The following ITPR2 variants were observed in gnomAD, a reference collection of about 807,000 sequenced individuals.
ITPR2 encodes inositol 1,4,5-trisphosphate receptor type 2, also known as inositol 1,4,5-trisphosphate-gated calcium channel ITPR2.
In ITPR2, 207 loss-of-function variants were observed where a neutral mutation model predicts 317.1. The observed-to-expected ratio is 0.65, with a 90% CI of 0.58 to 0.73. ITPR2 has a LOEUF of 0.73. Among genes scored for constraint, ITPR2 ranks in the 30% least tolerant of loss-of-function variants. ITPR2 has a pLI of 0.00. For synonymous variants in ITPR2, 1,156 were observed against 1,149.1 expected (o/e 1.01, Z -0.12); for missense variants, 2,613 against 3,284.0 (o/e 0.80, Z 4.99).
intron 55 of ITPR2, among the ~76,000 whole-genome samples, chr12:26,379,282 TTAGCA>T (rs1939435102): frequency 6.6e-6 from 1 of 152,184 alleles, no homozygotes; most frequent in Non-Finnish European, 1.5e-5. Flanking sequence ...TGTAAAGCAC[TTAGCA>T]TAGCACAGGC....
At chr12:26,634,615 G>A (rs908374659) in intron 21 of ITPR2, among the ~76,000 whole-genome samples, 10 of 152,144 alleles carry the variant, frequency 6.6e-5, no homozygotes, top group African/African-American at 2.4e-4. Context: ...GCCAGGCACG[G>A]TGGCTCATGC....
chr12:26,692,060 G>A (rs1948251255), intron 10 of ITPR2, among the ~76,000 whole-genome samples: 1 of 152,024 alleles, frequency 6.6e-6, no homozygotes, highest in South Asian at 2.1e-4. Context: ...AAGGAAATTC[G>A]GGGGTCAGAA....
intron 49 of ITPR2, among the ~76,000 whole-genome samples, chr12:26,425,671 G>GAAA (rs201178294): frequency 8.6e-6 from 1 of 116,290 alleles, no homozygotes; most frequent in African/African-American, 3.2e-5. Context: ...GTCTAAAAAA[G>GAAA]AAAAAAAAAA....
intron 55 of ITPR2, among the ~76,000 whole-genome samples, chr12:26,377,267 C>T (rs1939374964): frequency 6.6e-6 from 1 of 152,202 alleles, no homozygotes; most frequent in Non-Finnish European, 1.5e-5. Context: ...CGTGTGTTAT[C>T]ATCACTCCTT....
chr12:26,715,758 T>C lies in ITPR2; in HGVS notation c.702A>G (p.Leu234=). 6.3e-7 allele frequency: 1 copy of C among 1,590,984 alleles called. No individual in the cohort carries two copies. The highest frequency in any genetic ancestry group is 8.6e-7 in the Non-Finnish European group (1 of 1,160,044). ...CTGTGTAGCACATACTTACTCCTTT[T>C]AATACATCCTCTCGATAGGAACTAT... ...MKYSSYREDV[L]KGGDVVRLFH... Residue 234 remains leucine, a synonymous_variant, in exon 7 of 57, where the codon TTA becomes TTG. Coordinates refer to ENST00000381340, the MANE Select transcript of ITPR2 (RefSeq NM_002223.4).
At chr12:26,771,577 C>T (rs1333111094) in intron 2 of ITPR2, among the ~76,000 whole-genome samples, 5 of 152,150 alleles carry the variant, frequency 3.3e-5, no homozygotes, top group Non-Finnish European at 7.4e-5. Flanking sequence ...TGCAGCGGTG[C>T]GATCTCGGCT....
intron 37 of ITPR2, among the ~76,000 whole-genome samples, chr12:26,549,392 G>T (rs552405250): frequency 6.6e-6 from 1 of 152,048 alleles, no homozygotes; most frequent in East Asian, 1.9e-4. Flanking sequence ...TCTAAGATGG[G>T]AATGCACTTT....
intron 11 of ITPR2, among the ~76,000 whole-genome samples, chr12:26,685,744 T>TA (rs1414215773): frequency 3.2e-4 from 48 of 152,352 alleles, no homozygotes; most frequent in African/African-American, 1.1e-3. Context: ...GCCTTCTCAC[T>TA]GGTCCTTAAA....
chr12:26,707,862 C>A (rs771744740), intron 9 of ITPR2, among the ~76,000 whole-genome samples: 7 of 150,840 alleles, frequency 4.6e-5, no homozygotes, highest in Non-Finnish European at 1.0e-4. Flanking sequence ...AGATTAATAA[C>A]CAGAATATAT....
chr12:26,681,772 A>G, intron 13 of ITPR2, 102 bp downstream of exon 13: 1 of 798,198 alleles, frequency 1.3e-6, no homozygotes, highest in Admixed American at 2.2e-5. Flanking sequence ...TGTGCTATCG[A>G]GAATGTTCTG....
chr12:26,715,832 TCA>T lies in ITPR2; in HGVS notation c.626_627del (p.Val209GlufsTer18), dbSNP rs1264104788. Reference sequence around the variant, plus strand: ...CAGCTGGTGTTGCAATTGACAGCATTCACCTATTAATGAAGAAACGTTCAAAG... The same window carrying T: ...CAGCTGGTGTTGCAATTGACAGCATTCCTATTAATGAAGAAACGTTCAAAG... The part of the protein sequence containing the change: ...ELLDNPGCKE[V>X]NAVNCNTSWK... On this transcript the variant is annotated frameshift_variant and splice_region_variant, in exon 7 of 57. Transcript: ENST00000381340. LOFTEE classifies it high-confidence loss of function. The T allele has an allele frequency of 1.2e-6, 2 of 1,600,410 alleles. No individual in the cohort carries two copies. Among genetic ancestry groups the T allele is most frequent in the Admixed American group, 3.3e-5 (2 of 59,902 alleles).
chr12:26,795,820 C>A (rs984617924), intron 1 of ITPR2, among the ~76,000 whole-genome samples: 16 of 152,036 alleles, frequency 1.1e-4, no homozygotes, highest in African/African-American at 3.6e-4. Context: ...CCTATCGCTA[C>A]AAAAAAATAC....
rs1315701524 is a variant in ITPR2, at chr12:26,622,398, T to C, written c.3130A>G (p.Lys1044Glu). 6.2e-6 allele frequency: 10 copies of C among 1,600,962 alleles called. No individual in the cohort carries two copies. Among genetic ancestry groups the C allele is most frequent in the African/African-American group, 1.4e-5 (1 of 74,036 alleles). ...TCATCGTCAAGTTGAACTGGATTTT[T>C]TTCTTTTCTATAAAACCAAAAACAT... Reference protein sequence around the residue: ...AETMFAGRKEKNPVQLDDEGG... With the variant: ...AETMFAGRKEENPVQLDDEGG... Residue 1044 changes from lysine to glutamate, a missense_variant, in exon 25 of 57, where the codon AAA becomes GAA. Coordinates refer to ENST00000381340, the MANE Select transcript of ITPR2 (RefSeq NM_002223.4).
chr12:26,678,397 A>C (rs776155588), intron 13 of ITPR2, among the ~76,000 whole-genome samples: 6 of 147,344 alleles, frequency 4.1e-5, no homozygotes, highest in Non-Finnish European at 8.9e-5. Flanking sequence ...TCCTGGGATA[A>C]GTAAAAAGGG....
intron 22 of ITPR2, among the ~76,000 whole-genome samples, chr12:26,629,205 C>T (rs1946690660): frequency 6.6e-6 from 1 of 152,194 alleles, no homozygotes; most frequent in Admixed American, 6.5e-5. Flanking sequence ...CACTGGAGTG[C>T]CTGCACTTCC....
chr12:26,604,428 T>C (rs1163095583), intron 26 of ITPR2, among the ~76,000 whole-genome samples: 3 of 152,180 alleles, frequency 2.0e-5, no homozygotes, highest in Non-Finnish European at 4.4e-5. Flanking sequence ...CCCCACTGTG[T>C]CTCCAAGAAC....
intron 52 of ITPR2, among the ~76,000 whole-genome samples, chr12:26,408,044 G>T (rs1242873872): frequency 6.6e-6 from 1 of 152,070 alleles, no homozygotes; most frequent in Non-Finnish European, 1.5e-5. Context: ...TCTTAGAAAG[G>T]TCTCTCTGTC....
chr12:26,655,539 G>A (rs185996133), intron 20 of ITPR2, among the ~76,000 whole-genome samples, 169 bp downstream of exon 20: 2,156 of 151,456 alleles, frequency 0.014, 53 homozygotes, highest in African/African-American at 0.049. Context: ...GCGTGAACCC[G>A]GGAGGCGGAG....
Position 26,544,737 on chromosome 12 carries a change from G to A in ITPR2, c.5073+5510C>T, listed in dbSNP as rs79422157. Reference sequence around the variant, plus strand: ...CTCAAATGTAATATTAGAATAGCTCGTGTGAAAAACCCTGGTTTGAGTTTT... The same window carrying A: ...CTCAAATGTAATATTAGAATAGCTCATGTGAAAAACCCTGGTTTGAGTTTT... On this transcript the variant is annotated intron_variant, in intron 37 of 56. Coordinates refer to ENST00000381340, the MANE Select transcript of ITPR2 (RefSeq NM_002223.4). Among the ~76,000 whole-genome samples the A allele has an allele frequency of 6.3e-3, 961 of 151,916 alleles. 7 individuals carry two copies. Among genetic ancestry groups the A allele is most frequent in the African/African-American group, 0.02 (827 of 41,482 alleles).
Sources: allele counts gnomAD v4.1 joint callset (sites outside exome capture counted in the v4.1 genomes callset), GRCh38; gene constraint gnomAD v4.1.1; transcripts MANE v1.5; gene names NCBI Gene and HGNC (gene_info 2026-07-23, HGNC 2026-07-21).